The following SCN10A variants were observed in gnomAD, a reference collection of about 807,000 sequenced individuals.
SCN10A encodes the protein sodium voltage-gated channel alpha subunit 10.
A neutral mutation model predicts 170.7 loss-of-function variants in SCN10A; 162 were observed. The ratio of observed to expected loss-of-function variants is 0.95; its 90% confidence interval spans 0.84 to 1.08. SCN10A has a LOEUF of 1.08. SCN10A is among the 50% of genes least tolerant of loss of function. The pLI, the probability that SCN10A is intolerant of heterozygous loss-of-function variation, is 0.00. For missense variants in SCN10A, 2,527 were observed against 2,436.9 expected, an observed-to-expected ratio of 1.04 and a Z score of -0.78; for synonymous variants, 985 against 904.6, an observed-to-expected ratio of 1.09 and a Z score of -1.59.
chr3:38,725,425 T>C, intron 17 of SCN10A, 111 bp from the exon 18 acceptor site: 5 of 994,044 alleles, frequency 5.0e-6, no homozygotes, highest in Non-Finnish European at 7.2e-6. Context: ...GTTTCATATA[T>C]GCAACTCATG....
chr3:38,804,211 A>G (rs13324488), intron 1 of SCN10A, among the ~76,000 whole-genome samples: 3,938 of 152,138 alleles, frequency 0.026, 147 homozygotes, highest in East Asian at 0.13. Context: ...CACCAAGCAC[A>G]ATATTGCCTC....
chr3:38,802,531 T>G (rs1217639812), intron 1 of SCN10A, among the ~76,000 whole-genome samples: 2 of 152,104 alleles, frequency 1.3e-5, no homozygotes, highest in African/African-American at 2.4e-5. Context: ...TTAAAACTTT[T>G]TAATTACCCA....
In SCN10A at chr3:38,761,333, C is replaced by T. The variant is rs754623438; in HGVS notation, c.742G>A (p.Asp248Asn). 6.2e-7 allele frequency: 1 copy of T among 1,613,912 alleles called. No individual in the cohort carries two copies. The highest frequency in any genetic ancestry group is 8.5e-7 in the Non-Finnish European group (1 of 1,179,858). The change falls in exon 7 of 28, where the codon GAT becomes AAT. Residue 248 changes from aspartate to asparagine, a missense_variant. Asp to Asn is a conservative substitution (Grantham distance 23). Coordinates refer to ENST00000449082, the MANE Select transcript of SCN10A (RefSeq NM_006514.4). ...ALIHSVKKLA[D>N]VTILTIFCLS... The stretch of plus-strand genomic sequence containing the variant: ...CAGAAGATGGTGAGGATGGTCACAT[C>T]AGCCAGTTTCTTCACTGAGTGAATC...
At chr3:38,718,329 A>C (rs989712247) in intron 21 of SCN10A, among the ~76,000 whole-genome samples, 29 of 152,204 alleles carry the variant, frequency 1.9e-4, no homozygotes, top group African/African-American at 5.8e-4. Context: ...CAGAAGACCC[A>C]TCTATGGATG....
At chr3:38,793,422 A>C (rs1278770999) in intron 2 of SCN10A, among the ~76,000 whole-genome samples, 1 of 151,984 alleles carries the variant, frequency 6.6e-6, no homozygotes, top group African/African-American at 2.4e-5. Flanking sequence ...TCTGCTCTCC[A>C]CCTGCAAAGA....
rs1473433134 is a variant in SCN10A at position 38,726,886 on chromosome 3, C to A, written c.2807G>T (p.Cys936Phe). 6.2e-7 allele frequency: 1 copy of A among 1,614,226 alleles called. No homozygotes were observed. Among genetic ancestry groups the A allele is most frequent in the Admixed American group, 1.7e-5 (1 of 60,028 alleles). ...QALCSFFSRS[C>F]PFPQPKAEPE... ...CTCTGCCTTGGGCTGGGGGAATGGG[C>A]AGGACCTGCTGAAGAAGCTGCAAAG... The change falls in exon 17 of 28, where the codon TGC becomes TTC. Residue 936 changes from cysteine to phenylalanine, a missense_variant. Cys to Phe is a radical substitution (Grantham distance 205). Coordinates refer to ENST00000449082, the MANE Select transcript of SCN10A (RefSeq NM_006514.4).
Position 38,726,807 on chromosome 3 carries a change from A to G in SCN10A, c.2886T>C (p.Ile962=), listed in dbSNP as rs775552644. ...PLSSSKAENH[I]AANTARGSSG... is the part of the protein sequence containing the mutation. ...AGCTCCCCCTGGCAGTGTTGGCAGC[A>G]ATGTGGTTCTCAGCCTTGGAGCTGG... The change falls in exon 17 of 28, where the codon ATT becomes ATC. Residue 962 remains isoleucine, a synonymous_variant. Coordinates refer to ENST00000449082, the MANE Select transcript of SCN10A (RefSeq NM_006514.4). 6.2e-7 allele frequency: 1 copy of G among 1,611,912 alleles called. No homozygotes were observed. Among genetic ancestry groups the G allele is most frequent in the South Asian group, 1.1e-5 (1 of 91,048 alleles).
intron 6 of SCN10A, among the ~76,000 whole-genome samples, chr3:38,763,234 A>G (rs557602335): frequency 1.3e-4 from 20 of 152,290 alleles, no homozygotes; most frequent in African/African-American, 4.6e-4. Context: ...AAGTGAAGAC[A>G]TGCCCCTCCT....
At chr3:38,710,994 T>C in intron 23 of SCN10A, 97 bp from the exon 24 acceptor site, 1 of 1,029,712 alleles carries the variant, frequency 9.7e-7, no homozygotes, top group Non-Finnish European at 1.5e-6. Context: ...GAGAGAGTCC[T>C]GTGTTGGAAA....
At chr3:38,708,628 A>G (rs896188951) in intron 25 of SCN10A, among the ~76,000 whole-genome samples, 5 of 152,222 alleles carry the variant, frequency 3.3e-5, no homozygotes, top group African/African-American at 9.6e-5. Flanking sequence ...ACAGTGCCAG[A>G]AACTGCACCA....
At chr3:38,796,430 C>T (rs779076045) in intron 1 of SCN10A, among the ~76,000 whole-genome samples, 1 of 152,114 alleles carries the variant, frequency 6.6e-6, no homozygotes, top group Non-Finnish European at 1.5e-5. Flanking sequence ...TCCTTTCTAA[C>T]CTATTCTCCA....
At chr3:38,731,225 G>A (rs911076650) in intron 15 of SCN10A, among the ~76,000 whole-genome samples, 2 of 152,168 alleles carry the variant, frequency 1.3e-5, no homozygotes, top group African/African-American at 4.8e-5. Flanking sequence ...GTATCAACTA[G>A]AATTTTACAT....
intron 4 of SCN10A, among the ~76,000 whole-genome samples, chr3:38,787,331 T>C (rs1000304362): frequency 6.6e-6 from 1 of 152,196 alleles, no homozygotes; most frequent in African/African-American, 2.4e-5. Flanking sequence ...GTTGCTAGTG[T>C]CTATACACAA....
chr3:38,731,365 TC>T (rs1317377967), intron 15 of SCN10A, among the ~76,000 whole-genome samples: 1 of 152,168 alleles, frequency 6.6e-6, no homozygotes, highest in Non-Finnish European at 1.5e-5. Context: ...TAGAAAGTGA[TC>T]CCAGAAGTAA....
Position 38,763,401 on chromosome 3 carries a change from G to A in SCN10A, c.691+104C>T, listed in dbSNP as rs2063897368. 9.2e-6 allele frequency: 8 copies of A among 872,238 alleles called. No individual in the cohort carries two copies. In the South Asian group the frequency reaches 1.2e-4, roughly 13 times the overall value. 54.0% of individuals were successfully genotyped at this position (872,238 alleles called of 1,614,324 possible). A position where few individuals can be genotyped will look rare whatever the true frequency, so the allele number is the denominator to read the frequency against. ...GCCTCAGTTCCTTTGTCTTGTAAGTGGGGACAATAGTCTTTGCCCTGGAAC... is the reference window on the plus strand; with the variant it reads ...GCCTCAGTTCCTTTGTCTTGTAAGTAGGGACAATAGTCTTTGCCCTGGAAC... On this transcript the variant is annotated intron_variant, in intron 6 of 27. Transcript: ENST00000449082.
chr3:38,764,171 A>G (rs895433712), intron 5 of SCN10A, among the ~76,000 whole-genome samples: 6 of 152,140 alleles, frequency 3.9e-5, no homozygotes, highest in African/African-American at 1.4e-4. Flanking sequence ...ATTTTATTTT[A>G]TTTCAATAGT....
At chr3:38,761,488 G>A in intron 6 of SCN10A, 105 bp from the exon 7 acceptor site, 2 of 958,664 alleles carry the variant, frequency 2.1e-6, no homozygotes, top group Non-Finnish European at 1.5e-6. Flanking sequence ...CAGGAGTGAA[G>A]TATGTACACA....
rs750676187 is a variant in SCN10A at position 38,752,442 on chromosome 3, C to T, written c.1532G>A (p.Gly511Asp). 3 of 1,612,940 alleles carry T rather than the reference C, an allele frequency of 1.9e-6. No individual in the cohort carries two copies. In the Admixed American group the frequency reaches 5.0e-5, roughly 27 times the overall value. ...TCCCTCAGGGAGTGAGATATCTCGG[C>T]CAGGGGACCGGAAATGGAACACACT... is the stretch of plus-strand genomic sequence containing the variant. ...HGSVFHFRSP[G>D]RDISLPEGVT... The change falls in exon 12 of 28, where the codon GGC (glycine) becomes GAC (aspartate). Residue 511 changes from glycine to aspartate, a missense_variant. Gly to Asp is a moderately conservative substitution (Grantham distance 94). Transcript: ENST00000449082.
intron 4 of SCN10A, among the ~76,000 whole-genome samples, chr3:38,772,666 G>A (rs946242890): frequency 1.3e-5 from 2 of 151,272 alleles, no homozygotes; most frequent in African/African-American, 2.4e-5. Context: ...TCCAGTCTGG[G>A]TGACAGAGCA....
Sources: gnomAD v4.1 joint callset for allele counts (sites outside exome capture counted in the v4.1 genomes callset) on GRCh38, gnomAD v4.1.1 for gene constraint, MANE v1.5 for transcripts, NCBI Gene and HGNC (gene_info 2026-07-23, HGNC 2026-07-21) for gene names.